NONO: variants seen among roughly 807,000 people sequenced by gnomAD.
The protein encoded by NONO is non-POU domain-containing octamer-binding protein.
In NONO, 6 loss-of-function variants were observed where a neutral mutation model predicts 40.2. That is an observed-to-expected ratio of 0.15 (90% confidence interval 0.08 to 0.29). The LOEUF (loss-of-function observed/expected upper bound fraction) is 0.29. Ranked by LOEUF, NONO falls within the 10% of genes least tolerant of loss-of-function variation. The pLI is 1.00. For synonymous variants in NONO, 89 were observed against 123.3 expected (o/e 0.72, Z 1.85); for missense variants, 133 against 397.8 (o/e 0.33, Z 5.66).
intron 2 of NONO, among the ~76,000 whole-genome samples, chrX:71,288,783 G>T (rs1020177109): frequency 8.9e-6 from 1 of 112,704 alleles, no homozygotes; most frequent in African/African-American, 3.2e-5. Context: ...TATGCCAGTA[G>T]TGAGCCAGCA....
intron 6 of NONO, 58 bp downstream of exon 6, chrX:71,296,718 A>G (rs764389781): frequency 9.8e-7 from 1 of 1,015,520 alleles, no homozygotes; most frequent in East Asian, 3.1e-5. Flanking sequence ...AAGCTTATAA[A>G]GGGATATGTA....
chrX:71,296,670 C>T lies in NONO; in HGVS notation c.746+10C>T. The stretch of plus-strand genomic sequence containing the variant: ...ACCAGCAATTTCACAAGTATGCAGT[C>T]TTGATAGATTTCCCTATTAGGTGTT... On this transcript the variant is annotated intron_variant, in intron 6 of 11. Transcript: ENST00000276079. 1 of 1,142,087 alleles carries T rather than the reference C, an allele frequency of 8.8e-7. No homozygotes were observed. The highest frequency in any genetic ancestry group is 1.2e-6 in the Non-Finnish European group (1 of 842,449). 94.1% of individuals were successfully genotyped at this position (1,142,087 alleles called of 1,213,427 possible).
chrX:71,288,119 C>CTTT lies in NONO; in HGVS notation c.-9-2491_-9-2489dup, dbSNP rs41517053. On this transcript the variant is annotated intron_variant, in intron 2 of 11. Transcript: ENST00000276079. ...GAATTTAACATTTTATTATTTTTATCTTTTTTTTTTTTTTTTTTTTTCTTG... is the reference window on the plus strand; with the variant it reads ...GAATTTAACATTTTATTATTTTTATCTTTTTTTTTTTTTTTTTTTTTTTTCTTG... 6.5e-3 allele frequency among the ~76,000 whole-genome samples: 350 copies of CTTT among 53,836 alleles called. 17 individuals are homozygous for CTTT. Among genetic ancestry groups the CTTT allele is most frequent in the Middle Eastern group, 0.042 (1 of 24 alleles). 46.8% of individuals were successfully genotyped at this position (53,836 alleles called of 115,157 possible). A position where few individuals can be genotyped will look rare whatever the true frequency, so the allele number is the denominator to read the frequency against.
chrX:71,297,760 C>A, intron 8 of NONO, 76 bp from the exon 9 acceptor site: 1 of 776,904 alleles, frequency 1.3e-6, no homozygotes, highest in South Asian at 2.4e-5. Context: ...AGGCCAGTCT[C>A]CTTGGTTGAG....
intron 9 of NONO, 94 bp downstream of exon 9, chrX:71,298,032 G>T: frequency 1.7e-6 from 1 of 574,966 alleles, no homozygotes; most frequent in East Asian, 3.5e-5. Context: ...CAATTTTCCC[G>T]TGTTGTGAAA....
chrX:71,289,652 A>G (rs184450853), intron 2 of NONO, among the ~76,000 whole-genome samples: 1,829 of 111,089 alleles, frequency 0.016, 34 homozygotes, highest in African/African-American at 0.057. Context: ...CCCAGGCTGG[A>G]GTGCAGTGGC....
chrX:71,297,513 A>C, intron 8 of NONO, 52 bp downstream of exon 8: 2 of 903,552 alleles, frequency 2.2e-6, no homozygotes, highest in Non-Finnish European at 3.1e-6. Context: ...GTAATGTCTC[A>C]CTCCTCTTTC....
At chrX:71,287,273 T>G (rs1223315905) in intron 2 of NONO, among the ~76,000 whole-genome samples, 2 of 109,760 alleles carry the variant, frequency 1.8e-5, no homozygotes, top group Non-Finnish European at 3.8e-5. Flanking sequence ...TAGAGACGGG[T>G]TTTCACCATG....
At chrX:71,287,580 A>T (rs1434317882) in intron 2 of NONO, among the ~76,000 whole-genome samples, 1 of 110,542 alleles carries the variant, frequency 9.0e-6, no homozygotes, top group Non-Finnish European at 1.9e-5. Context: ...GGGTTTCACC[A>T]TGTTGGCCAG....
intron 6 of NONO, 54 bp from the exon 7 acceptor site, chrX:71,296,797 T>G: frequency 8.8e-7 from 1 of 1,140,361 alleles, no homozygotes; most frequent in Non-Finnish European, 1.2e-6. Context: ...GGAATGCAAT[T>G]CTTAGCTGGG....
At position 71,294,349 on chromosome X, in the gene NONO, G is replaced by C. The variant is rs772204867; in HGVS notation, c.471G>C (p.Gln157His). The change falls in exon 5 of 12, where the codon CAG becomes CAC. Residue 157 changes from glutamine (Q) to histidine (H), a missense_variant. By Grantham distance (24) the Gln-to-His change is conservative. Coordinates refer to ENST00000276079, the MANE Select transcript of NONO (RefSeq NM_007363.5). ...CCCTTACAGTTCGAAACCTTCCTCA[G>C]TATGTGTCCAACGAACTGCTGGAAG... is the stretch of plus-strand genomic sequence containing the variant. ...SASLTVRNLPQYVSNELLEEA... is the reference protein window; with the variant it reads ...SASLTVRNLPHYVSNELLEEA... 26 of 1,210,537 alleles carry C rather than the reference G, an allele frequency of 2.1e-5. No homozygotes were observed. Among genetic ancestry groups the C allele is most frequent in the Non-Finnish European group, 2.9e-5 (26 of 895,380 alleles).
intron 2 of NONO, among the ~76,000 whole-genome samples, chrX:71,288,782 A>C (rs866363966): frequency 8.9e-6 from 1 of 112,830 alleles, no homozygotes; most frequent in Non-Finnish European, 1.9e-5. Flanking sequence ...GTATGCCAGT[A>C]GTGAGCCAGC....
intron 3 of NONO, among the ~76,000 whole-genome samples, 167 bp downstream of exon 3, chrX:71,290,958 G>A (rs935786091): frequency 6.2e-5 from 7 of 112,179 alleles, no homozygotes; most frequent in East Asian, 5.5e-4. Flanking sequence ...CTGATTCTCC[G>A]GAACCAAGGA....
At position 71,301,139 on chromosome X, in the gene NONO, A is replaced by G; in HGVS notation, c.*1063A>G. The G allele has an allele frequency of 7.2e-6, 1 of 138,864 alleles. No individual in the cohort carries two copies. The highest frequency in any genetic ancestry group is 1.5e-5 in the Non-Finnish European group (1 of 68,372). 11.4% of individuals were successfully genotyped at this position (138,864 alleles called of 1,213,427 possible). ...AAAATGGAGCAGTAATGCAGCATCA[A>G]CCTATTAAAATACATTTTAAGCCTT... On this transcript the variant is annotated 3_prime_UTR_variant, in exon 12 of 12. Coordinates refer to ENST00000276079, the MANE Select transcript of NONO (RefSeq NM_007363.5).
Position 71,300,099 on chromosome X carries a change from C to T in NONO, c.*23C>T. 8.3e-7 allele frequency: 1 copy of T among 1,207,950 alleles called. No homozygotes were observed. Among genetic ancestry groups the T allele is most frequent in the South Asian group, 1.8e-5 (1 of 56,858 alleles). ...TAATAAGTTGCAGTGTCTAGTTTCT[C>T]AAAACCCTTAAAAGAAGGACCCTTT... On this transcript the variant is annotated 3_prime_UTR_variant, in exon 12 of 12. Transcript: ENST00000276079.
intron 1 of NONO, chrX:71,284,180 T>C (rs2031138615): frequency 8.9e-6 from 1 of 112,514 alleles, no homozygotes; most frequent in Admixed American, 9.4e-5. Flanking sequence ...AACTCTTAGC[T>C]GGAAAGTTCC....
intron 11 of NONO, among the ~76,000 whole-genome samples, chrX:71,299,652 G>A (rs1162116343): frequency 9.0e-6 from 1 of 110,711 alleles, no homozygotes; most frequent in Non-Finnish European, 1.9e-5. Flanking sequence ...TTTTGCTCTT[G>A]TCGCCCAGGC....
At chrX:71,299,690 C>A (rs113113921) in intron 11 of NONO, among the ~76,000 whole-genome samples, 6,895 of 110,150 alleles carry the variant, frequency 0.063, 488 homozygotes, top group African/African-American at 0.21. Context: ...ATCTTGGCTC[C>A]CTGCAACCTC....
In NONO at chrX:71,294,222, C is replaced by T; in HGVS notation, c.349-5C>T. 3 of 1,209,040 alleles carry T rather than the reference C, an allele frequency of 2.5e-6. No individual in the cohort carries two copies. Among genetic ancestry groups the T allele is most frequent in the Non-Finnish European group, 3.4e-6 (3 of 893,544 alleles). On this transcript the variant is annotated splice_region_variant and splice_polypyrimidine_tract_variant and intron_variant, in intron 4 of 11. Coordinates refer to ENST00000276079, the MANE Select transcript of NONO (RefSeq NM_007363.5). ...GAGTTATTCTGATTTTCCTCTGCTT[C>T]CTAGGAAACCCGAACCCTAGCGGAG...
Sources: gnomAD v4.1 joint callset for allele counts (sites outside exome capture counted in the v4.1 genomes callset) on GRCh38, gnomAD v4.1.1 for gene constraint, MANE v1.5 for transcripts, NCBI Gene and HGNC (gene_info 2026-07-23, HGNC 2026-07-21) for gene names.